VPS26C: variants seen among roughly 807,000 people sequenced by gnomAD.
VPS26C encodes the protein VPS26 endosomal protein sorting factor C.
A neutral mutation model predicts 30.6 loss-of-function variants in VPS26C; 19 were observed. The ratio of observed to expected loss-of-function variants is 0.62; its 90% CI spans 0.43 to 0.91. The LOEUF (loss-of-function observed/expected upper bound fraction) is 0.91. Ranked by LOEUF, VPS26C falls within the 40% of genes least tolerant of loss-of-function variation. The pLI, the probability that VPS26C is intolerant of heterozygous loss-of-function variation, is 0.00. For synonymous variants in VPS26C, 132 were observed against 151.5 expected, an observed-to-expected ratio of 0.87 and a Z score of 0.95; for missense variants, 318 against 385.1, an observed-to-expected ratio of 0.83 and a Z score of 1.46.
At chr21:37,230,899 G>A (rs567866547) in intron 5 of VPS26C, 1 of 152,584 alleles carries the variant, frequency 6.6e-6, no homozygotes, top group Non-Finnish European at 1.5e-5. Context: ...ACAGCTTCCT[G>A]CAAAGGGGAT....
intron 1 of VPS26C, among the ~76,000 whole-genome samples, chr21:37,246,426 A>G (rs1420834390): frequency 6.6e-6 from 1 of 151,986 alleles, no homozygotes; most frequent in Non-Finnish European, 1.5e-5. Flanking sequence ...AAAAAACCCA[A>G]CCAAACTAAA....
chr21:37,264,108 C>G (rs914791218), intron 1 of VPS26C, among the ~76,000 whole-genome samples: 4 of 152,228 alleles, frequency 2.6e-5, no homozygotes, highest in African/African-American at 9.7e-5. Flanking sequence ...CATGGGCACA[C>G]ATGTCAGAGA....
intron 3 of VPS26C, among the ~76,000 whole-genome samples, chr21:37,236,291 G>A (rs1009340932): frequency 2.6e-5 from 4 of 152,256 alleles, no homozygotes; most frequent in East Asian, 1.9e-4. Flanking sequence ...AGTCACTGCC[G>A]TCTCTGGGCG....
At chr21:37,234,877 C>T (rs1197887948) in intron 3 of VPS26C, among the ~76,000 whole-genome samples, 2 of 152,058 alleles carry the variant, frequency 1.3e-5, no homozygotes, top group African/African-American at 4.8e-5. Flanking sequence ...GAGTCTCACT[C>T]TGTCACCCAG....
chr21:37,241,890 G>C (rs1456876073), intron 1 of VPS26C, among the ~76,000 whole-genome samples: 1 of 152,174 alleles, frequency 6.6e-6, no homozygotes, highest in Non-Finnish European at 1.5e-5. Flanking sequence ...TCCTACTGGT[G>C]TTTAAATCTG....
upstream of VPS26C, chr21:37,267,537 C>G (rs564359364): frequency 3.0e-4 from 167 of 564,100 alleles, no homozygotes; most frequent in East Asian, 3.1e-3. Context: ...CACCCCGCCC[C>G]CTCTGGGCGT....
chr21:37,240,755 C>A (rs1461177809), intron 1 of VPS26C, 116 bp from the exon 2 acceptor site: 30 of 1,345,432 alleles, frequency 2.2e-5, no homozygotes, highest in Middle Eastern at 2.3e-4. Flanking sequence ...CAGACATTCA[C>A]TGAGACACCT....
chr21:37,243,019 C>T (rs1000391034), intron 1 of VPS26C, among the ~76,000 whole-genome samples: 1 of 152,066 alleles, frequency 6.6e-6, no homozygotes, highest in African/African-American at 2.4e-5. Flanking sequence ...GGAATTAGCC[C>T]ACCTGAGGCC....
chr21:37,225,743 G>A, intron 7 of VPS26C, 117 bp from the exon 8 acceptor site: 1 of 831,560 alleles, frequency 1.2e-6, no homozygotes, highest in Non-Finnish European at 2.0e-6. Flanking sequence ...GGTGCGGGTG[G>A]GTTTCATTGC....
At chr21:37,231,773 G>C (rs1430742374) in intron 5 of VPS26C, 2 of 153,210 alleles carry the variant, frequency 1.3e-5, no homozygotes, top group African/African-American at 2.4e-5. Flanking sequence ...TGCAGCTCGA[G>C]GGACCAGCTG....
At chr21:37,242,959 T>C (rs2086102543) in intron 1 of VPS26C, among the ~76,000 whole-genome samples, 1 of 152,172 alleles carries the variant, frequency 6.6e-6, no homozygotes, top group Non-Finnish European at 1.5e-5. Context: ...AAATTAGATA[T>C]TCTTATAATA....
intron 1 of VPS26C, among the ~76,000 whole-genome samples, chr21:37,246,770 A>G (rs1488169013): frequency 6.6e-6 from 1 of 152,192 alleles, no homozygotes; most frequent in Non-Finnish European, 1.5e-5. Flanking sequence ...CCATACTTCC[A>G]TACTTTTAAG....
chr21:37,256,838 A>G (rs990240123), intron 1 of VPS26C, among the ~76,000 whole-genome samples: 9 of 152,242 alleles, frequency 5.9e-5, no homozygotes, highest in African/African-American at 2.2e-4. Flanking sequence ...TCCTGATAAT[A>G]AAGTTTTACC....
intron 1 of VPS26C, among the ~76,000 whole-genome samples, chr21:37,258,128 C>T (rs1471241825): frequency 6.6e-6 from 1 of 152,254 alleles, no homozygotes; most frequent in Non-Finnish European, 1.5e-5. Context: ...CTGCAGCCAG[C>T]AGAAACCCGT....
At chr21:37,246,384 G>A (rs2086137746) in intron 1 of VPS26C, among the ~76,000 whole-genome samples, 1 of 151,844 alleles carries the variant, frequency 6.6e-6, no homozygotes, top group African/African-American at 2.4e-5. Flanking sequence ...TGTCATTCCA[G>A]TGTAACTGAA....
chr21:37,225,493 A>G lies in VPS26C; in HGVS notation c.*51T>C. ...AGCTCCCCTTAGGATTTGGATAACC[A>G]GCTGGATTTCCAGATGGCCACTCCC... On this transcript the variant is annotated 3_prime_UTR_variant, in exon 8 of 8. Coordinates refer to ENST00000309117, the MANE Select transcript of VPS26C (RefSeq NM_006052.2). 1 of 1,511,910 alleles carries G rather than the reference A, an allele frequency of 6.6e-7. No homozygotes were observed. The highest frequency in any genetic ancestry group is 1.4e-5 in the African/African-American group (1 of 72,912). The allele number at this position is 1,511,910 out of a possible 1,614,324, so 93.7% of individuals were successfully genotyped here. A position where few individuals can be genotyped will look rare whatever the true frequency, so the allele number is the denominator to read the frequency against.
intron 1 of VPS26C, among the ~76,000 whole-genome samples, chr21:37,245,061 A>G (rs781320629): frequency 8.6e-5 from 13 of 152,038 alleles, no homozygotes; most frequent in Non-Finnish European, 1.5e-4. Flanking sequence ...CTATTAGAAC[A>G]CTCCAGCCAG....
chr21:37,232,535 C>A, intron 4 of VPS26C, 84 bp from the exon 5 acceptor site: 8 of 1,173,364 alleles, frequency 6.8e-6, no homozygotes, highest in South Asian at 1.2e-5. Flanking sequence ...CAAAAATAAA[C>A]CAACGGCAGC....
At chr21:37,228,151 CT>C in intron 6 of VPS26C, 71 bp downstream of exon 6, 1 of 1,566,308 alleles carries the variant, frequency 6.4e-7, no homozygotes, top group Non-Finnish European at 8.6e-7. Context: ...CCAGCATCCT[CT>C]TAACCATGGA....
Sources: gnomAD v4.1 joint callset for allele counts (sites outside exome capture counted in the v4.1 genomes callset) on GRCh38, gnomAD v4.1.1 for gene constraint, MANE v1.5 for transcripts, NCBI Gene and HGNC (gene_info 2026-07-23, HGNC 2026-07-21) for gene names.